Variants in DOCK1 observed in about 807,000 individuals in gnomAD.
The protein encoded by DOCK1 is dedicator of cytokinesis 1, also known as dedicator of cytokinesis protein 1.
DOCK1 carries 138 observed loss-of-function variants against 262.7 expected under a neutral mutation model. The ratio of observed to expected loss-of-function variants is 0.53; its 90% CI spans 0.46 to 0.61. The LOEUF (loss-of-function observed/expected upper bound fraction) is 0.61. Among genes scored for constraint, DOCK1 ranks in the 20% least tolerant of loss-of-function variants. The pLI, the probability that DOCK1 is intolerant of heterozygous loss-of-function variation, is 0.00. For synonymous variants in DOCK1, 866 were observed against 867.4 expected, an observed-to-expected ratio of 1.00 and a Z score of 0.03; for missense variants, 1,908 against 2,370.7, an observed-to-expected ratio of 0.80 and a Z score of 4.05.
chr10:127,205,779 G>A (rs976610432), intron 27 of DOCK1, among the ~76,000 whole-genome samples: 4 of 152,170 alleles, frequency 2.6e-5, no homozygotes, highest in South Asian at 2.1e-4. Context: ...AATAAGCTCC[G>A]TTAAAGCAGA....
intron 23 of DOCK1, among the ~76,000 whole-genome samples, chr10:127,093,536 TAG>T (rs1456237958): frequency 6.6e-6 from 1 of 152,006 alleles, no homozygotes; most frequent in Non-Finnish European, 1.5e-5. Flanking sequence ...GTATTTTTGG[TAG>T]AGACTGGGTT....
intron 10 of DOCK1, chr10:127,007,318 TTGGAGGG>T (rs1245911768): frequency 6.6e-6 from 1 of 152,130 alleles, no homozygotes; most frequent in Non-Finnish European, 1.5e-5. Flanking sequence ...CTCCTCCTTT[TTGGAGGG>T]TGGTGATGGT....
intron 31 of DOCK1, among the ~76,000 whole-genome samples, chr10:127,345,012 A>G (rs1424069826): frequency 6.6e-6 from 1 of 152,240 alleles, no homozygotes; most frequent in Non-Finnish European, 1.5e-5. Context: ...TATTTATTGT[A>G]GTCACATGGT....
At chr10:127,104,471 A>C (rs1173712545) in intron 23 of DOCK1, among the ~76,000 whole-genome samples, 1 of 152,116 alleles carries the variant, frequency 6.6e-6, no homozygotes, top group Non-Finnish European at 1.5e-5. Context: ...AAGTTTATTT[A>C]TTTGCTCATG....
intron 10 of DOCK1, 127 bp from the exon 11 acceptor site, chr10:127,008,605 A>T (rs1242217361): frequency 3.7e-6 from 3 of 802,212 alleles, no homozygotes; most frequent in Non-Finnish European, 6.2e-6. Flanking sequence ...AATAATTTAG[A>T]CTTGACTATG....
chr10:127,091,131 G>A (rs751481880), intron 23 of DOCK1, among the ~76,000 whole-genome samples: 3 of 151,870 alleles, frequency 2.0e-5, no homozygotes, highest in East Asian at 1.9e-4. Context: ...ACAGGTGCCC[G>A]CCACCGCACC....
intron 1 of DOCK1, among the ~76,000 whole-genome samples, chr10:126,966,889 G>T (rs1171636211): frequency 1.3e-5 from 2 of 152,226 alleles, no homozygotes; most frequent in African/African-American, 4.8e-5. Context: ...CTCACACAAT[G>T]TGTCTAGCTT....
At chr10:127,433,206 C>A in intron 47 of DOCK1, 77 bp from the exon 48 acceptor site, 1 of 1,578,242 alleles carries the variant, frequency 6.3e-7, no homozygotes, top group East Asian at 2.2e-5. Context: ...ACAGCTAAGG[C>A]CACTTTATCT....
At chr10:127,087,748 A>C (rs1356468858) in intron 23 of DOCK1, among the ~76,000 whole-genome samples, 2 of 152,182 alleles carry the variant, frequency 1.3e-5, no homozygotes, top group Non-Finnish European at 2.9e-5. Context: ...ATTTACCCGA[A>C]GTAGAACCAA....
At chr10:127,218,461 G>C (rs2058302428) in intron 27 of DOCK1, among the ~76,000 whole-genome samples, 1 of 152,060 alleles carries the variant, frequency 6.6e-6, no homozygotes, top group African/African-American at 2.4e-5. Context: ...GTTAAGACTA[G>C]AACAGAAGTT....
At chr10:127,200,886 T>C (rs1320844859) in intron 27 of DOCK1, among the ~76,000 whole-genome samples, 1 of 152,172 alleles carries the variant, frequency 6.6e-6, no homozygotes, top group African/African-American at 2.4e-5. Context: ...GCCTCATTTC[T>C]CTAGTCCTCA....
intron 29 of DOCK1, among the ~76,000 whole-genome samples, chr10:127,287,206 C>CTTT (rs35427861): frequency 7.0e-6 from 1 of 143,024 alleles, no homozygotes; most frequent in Non-Finnish European, 1.5e-5. Context: ...TGCGCCTGGC[C>CTTT]TTTTTTTTTT....
In DOCK1 at chr10:127,451,379, A is replaced by C; in HGVS notation, c.5613A>C (p.Pro1871=). ...GCAAAACTCCGCCTCCTCCCCCTCC[A>C]AAGACAACTCGCAAGCAGGCATCGG... ...LPSKTPPPPP[P]KTTRKQASVD... Residue 1871 remains proline (P), a synonymous_variant, in exon 52 of 52, where the codon CCA becomes CCC. Transcript: ENST00000623213. 6.2e-7 allele frequency: 1 copy of C among 1,600,472 alleles called. No homozygotes were observed. Among genetic ancestry groups the C allele is most frequent in the South Asian group, 1.1e-5 (1 of 88,058 alleles).
chr10:127,310,752 G>T (rs537598537), intron 29 of DOCK1, among the ~76,000 whole-genome samples: 1 of 152,140 alleles, frequency 6.6e-6, no homozygotes, highest in African/African-American at 2.4e-5. Context: ...CCCAGTTGTC[G>T]TGAAATAGAA....
intron 29 of DOCK1, among the ~76,000 whole-genome samples, chr10:127,260,286 G>A (rs2059976574): frequency 2.0e-5 from 3 of 152,242 alleles, no homozygotes; most frequent in Admixed American, 1.3e-4. Context: ...AGAAGCCACA[G>A]TGCTCAGTGT....
chr10:127,097,158 A>G (rs1433555999), intron 23 of DOCK1, among the ~76,000 whole-genome samples: 1 of 152,188 alleles, frequency 6.6e-6, no homozygotes, highest in Non-Finnish European at 1.5e-5. Flanking sequence ...TATTTCAGCA[A>G]TTAGAAAACT....
chr10:127,449,449 T>G (rs546290997), intron 51 of DOCK1, among the ~76,000 whole-genome samples: 24 of 152,232 alleles, frequency 1.6e-4, no homozygotes, highest in Non-Finnish European at 5.9e-5. Context: ...CTCAATTTCT[T>G]GGATACACCA....
intron 7 of DOCK1, among the ~76,000 whole-genome samples, chr10:126,997,267 T>C (rs1221754688): frequency 3.3e-5 from 5 of 152,214 alleles, no homozygotes; most frequent in East Asian, 3.8e-4. Context: ...CTATGATCTT[T>C]AATGGTATCA....
chr10:127,192,288 T>C (rs929082229), intron 27 of DOCK1, among the ~76,000 whole-genome samples: 1 of 152,212 alleles, frequency 6.6e-6, no homozygotes, highest in African/African-American at 2.4e-5. Flanking sequence ...GGGAGAGTTA[T>C]TTCCAAATCC....
Sources: gnomAD v4.1 joint callset for allele counts (sites outside exome capture counted in the v4.1 genomes callset) on GRCh38, gnomAD v4.1.1 for gene constraint, MANE v1.5 for transcripts, NCBI Gene and HGNC (gene_info 2026-07-23, HGNC 2026-07-21) for gene names.